The following MEG3 variants were observed in gnomAD, a reference collection of about 807,000 sequenced individuals.
MEG3 encodes the protein maternally expressed 3.
chr14:100,836,198 G>T lies in MEG3; in HGVS notation n.2943G>T, dbSNP rs1255057163. ...GGGCCGTGGCCCGGCTGGGTCGGCT[G>T]AAGAACTGCGGATGGAAGCTGCGGA... is the stretch of plus-strand genomic sequence containing the variant. On this transcript the variant is annotated non_coding_transcript_exon_variant, in exon 2 of 4. Transcript: ENST00000398461. The T allele has an allele frequency of 4.8e-5, 22 of 456,316 alleles. 1 individual carries two copies. In the Admixed American group the frequency reaches 4.9e-4, roughly 10 times the overall value. The allele number at this position is 456,316 out of a possible 1,614,324, so 28.3% of individuals were successfully genotyped here. A position where few individuals can be genotyped will look rare whatever the true frequency, so the allele number is the denominator to read the frequency against.
intron 2 of MEG3, among the ~76,000 whole-genome samples, chr14:100,842,985 T>C (rs181124940): frequency 6.6e-6 from 1 of 152,346 alleles, no homozygotes; most frequent in Admixed American, 6.5e-5. Flanking sequence ...TTTTCTGACA[T>C]TTGTTAAGAT....
chr14:100,843,216 C>G (rs183740203), intron 2 of MEG3, among the ~76,000 whole-genome samples: 1 of 152,218 alleles, frequency 6.6e-6, no homozygotes, highest in Non-Finnish European at 1.5e-5. Flanking sequence ...CTTCTGATTT[C>G]TCCGCTCCTA....
intron 2 of MEG3, among the ~76,000 whole-genome samples, chr14:100,844,100 G>C (rs1489261173): frequency 1.3e-5 from 2 of 152,144 alleles, no homozygotes. Context: ...CCAAAGCGCT[G>C]GGATGACAGG....
At chr14:100,838,572 A>T (rs2037658830) in intron 2 of MEG3, among the ~76,000 whole-genome samples, 1 of 152,166 alleles carries the variant, frequency 6.6e-6, no homozygotes, top group African/African-American at 2.4e-5. Context: ...TAGCGGGTGG[A>T]GATGAGACCC....
intron 2 of MEG3, among the ~76,000 whole-genome samples, chr14:100,844,579 C>T (rs1010315295): frequency 2.6e-5 from 4 of 152,130 alleles, no homozygotes; most frequent in African/African-American, 9.7e-5. Flanking sequence ...ACGTTGCCTC[C>T]GTGTGGTGTG....
intron 1 of MEG3, chr14:100,827,261 G>A (rs992794476): frequency 6.6e-6 from 1 of 151,530 alleles, no homozygotes; most frequent in Non-Finnish European, 1.5e-5. Context: ...CAGGCGGGTG[G>A]CTACGTGGCA....
intron 2 of MEG3, chr14:100,829,033 G>C (rs2037327917): frequency 1.3e-5 from 2 of 152,190 alleles, no homozygotes; most frequent in South Asian, 4.1e-4. Flanking sequence ...ATCAATTGCA[G>C]AGGGCACTAG....
chr14:100,833,987 G>A (rs1191767627), downstream of MEG3: 1 of 152,226 alleles, frequency 6.6e-6, no homozygotes, highest in Non-Finnish European at 1.5e-5. Context: ...CACCCCACGA[G>A]GAAGAATGTG....
At chr14:100,852,308 G>A (rs1164830446), upstream of MEG3, 1 of 529,464 alleles carries the variant, frequency 1.9e-6, no homozygotes, top group South Asian at 1.4e-5. Flanking sequence ...GCAAGAAGAA[G>A]GGGGTGGTTC....
chr14:100,843,386 G>A (rs2037816272), intron 2 of MEG3, among the ~76,000 whole-genome samples: 1 of 152,070 alleles, frequency 6.6e-6, no homozygotes, highest in East Asian at 1.9e-4. Flanking sequence ...CCCCAGCCAC[G>A]CACAGTCTCG....
intron 1 of MEG3, among the ~76,000 whole-genome samples, chr14:100,827,780 T>G (rs1294765252): frequency 6.6e-6 from 1 of 152,190 alleles, no homozygotes; most frequent in Non-Finnish European, 1.5e-5. Flanking sequence ...GTTCTGTCTC[T>G]CGTTCCGAGA....
At chr14:100,836,728 A>G (rs563323794) in intron 2 of MEG3, among the ~76,000 whole-genome samples, 31 of 152,282 alleles carry the variant, frequency 2.0e-4, no homozygotes, top group Admixed American at 1.6e-3. Flanking sequence ...CCTGCTCCTC[A>G]GCTAGGAAGA....
exon 1 of MEG3, chr14:100,835,817 C>T: frequency 5.2e-6 from 1 of 192,392 alleles, no homozygotes; most frequent in East Asian, 1.8e-4. Context: ...TCCTGTGGGC[C>T]TGGCCTCAGG....
intron 2 of MEG3, among the ~76,000 whole-genome samples, chr14:100,840,408 G>T (rs1276162395): frequency 6.6e-6 from 1 of 152,150 alleles, no homozygotes; most frequent in African/African-American, 2.4e-5. Flanking sequence ...AGCCCCCCGT[G>T]GGGAACAGCC....
rs2037903125 is a variant in MEG3, at chr14:100,845,823, C to T, written n.3121+290C>T. On this transcript the variant is annotated intron_variant and non_coding_transcript_variant, in intron 3 of 3. Coordinates refer to the MEG3 transcript ENST00000398461. The surrounding 1 kb of genome is among the most constrained non-coding windows in gnomAD (Gnocchi z 5.2). ...AAAGAATTTCTTCTTTTTCACTCTT[C>T]TAAATGAATGGCTCTTTCATTATTG... is the stretch of plus-strand genomic sequence containing the variant. The T allele has an allele frequency of 4.8e-6, 1 of 208,046 alleles. No individual in the cohort carries two copies. The highest frequency in any genetic ancestry group is 5.4e-5 in the Admixed American group (1 of 18,434). 12.9% of individuals were successfully genotyped at this position (208,046 alleles called of 1,614,324 possible).
chr14:100,857,269 G>C (rs1045869377), exon 1 of MEG3: 4 of 152,196 alleles, frequency 2.6e-5, no homozygotes, highest in Non-Finnish European at 5.9e-5. Flanking sequence ...GTAGCCTTAG[G>C]ATCTGGCAGA....
chr14:100,826,157 G>T (rs1447140567), intron 1 of MEG3: 1 of 152,218 alleles, frequency 6.6e-6, no homozygotes, highest in Non-Finnish European at 1.5e-5. Flanking sequence ...GCCTTGGCTC[G>T]CTGGCCTTGG....
rs1040337984 is a variant in MEG3, at chr14:100,837,483, A to G, written n.3045+1183A>G. Among the ~76,000 whole-genome samples, 2 of 152,132 alleles carry G rather than the reference A, an allele frequency of 1.3e-5. No homozygotes were observed. Among genetic ancestry groups the G allele is most frequent in the African/African-American group, 4.8e-5 (2 of 41,430 alleles). ...GCTGGCTCCATTCCCCCAGACATTT[A>G]TGGAGGCTTGAGGGGGCCCTAGCAC... On this transcript the variant is annotated intron_variant and non_coding_transcript_variant, in intron 2 of 3. Transcript: ENST00000398461. This position sits in a 1 kb window ranked among gnomAD's most constrained non-coding sequence, Gnocchi z 5.8.
chr14:100,835,003 C>T (rs918253336), exon 1 of MEG3: 10 of 361,640 alleles, frequency 2.8e-5, no homozygotes, highest in African/African-American at 8.5e-5. Context: ...CACCGGCCAC[C>T]GTAGCCCATC....
Sources: allele counts gnomAD v4.1 joint callset (sites outside exome capture counted in the v4.1 genomes callset), GRCh38; gene constraint gnomAD v4.1.1; non-coding constraint Gnocchi (gnomAD v3.1); transcripts MANE v1.5; gene names NCBI Gene and HGNC (gene_info 2026-07-23, HGNC 2026-07-21).